Variants in OR52N4 observed in about 807,000 individuals in gnomAD.
The protein encoded by OR52N4 is olfactory receptor family 52 subfamily N member 4, also known as olfactory receptor 52N4.
A neutral mutation model predicts 15.0 loss-of-function variants in OR52N4; 15 were observed. That is an observed-to-expected ratio of 1.00 (90% CI 0.67 to 1.54). OR52N4 has a LOEUF of 1.54. OR52N4 is among the 40% of genes most tolerant of loss of function. The pLI, the probability that OR52N4 is intolerant of heterozygous loss-of-function variation, is 0.00. For missense variants in OR52N4, 421 were observed against 394.0 expected (o/e 1.07, Z -0.58); for synonymous variants, 143 against 143.7 (o/e 1.00, Z 0.03).
the OR52N4 span, among the ~76,000 whole-genome samples, chr11:5,748,462 AT>A: frequency 4.6e-5 from 7 of 151,622 alleles, no homozygotes; most frequent in African/African-American, 1.7e-4. Context: ...TATTCCTCTA[AT>A]TTTTCCTAAT....
upstream of OR52N4, among the ~76,000 whole-genome samples, chr11:5,750,830 C>T (rs530825735): frequency 1.3e-5 from 2 of 151,992 alleles, no homozygotes; most frequent in African/African-American, 2.4e-5. Flanking sequence ...AATTAACATA[C>T]TTCTGAAAAT....
Position 5,755,717 on chromosome 11 carries a change from G to T in OR52N4, c.*11G>T, listed in dbSNP as rs200603169. 6 of 1,606,092 alleles carry T rather than the reference G, an allele frequency of 3.7e-6. No individual in the cohort carries two copies. Among genetic ancestry groups the T allele is most frequent in the Non-Finnish European group, 5.1e-6 (6 of 1,175,996 alleles). On this transcript the variant is annotated 3_prime_UTR_variant, in exon 2 of 2. Coordinates refer to ENST00000641350, the MANE Select transcript of OR52N4 (RefSeq NM_001005175.5). ...TCCTACAGCATGTGAATGAACACTT[G>T]CCAGGAGTGAGAAGAGAAGGAAAGA...
chr11:5,726,610 A>G, the OR52N4 span: 1 of 152,216 alleles, frequency 6.6e-6, no homozygotes, highest in East Asian at 1.9e-4. Flanking sequence ...TGTGTGGCTT[A>G]GGCACAGCCA....
the OR52N4 span, chr11:5,736,559 A>C: frequency 1.9e-6 from 3 of 1,613,892 alleles, no homozygotes; most frequent in Non-Finnish European, 2.5e-6. Flanking sequence ...CAATAGCTCC[A>C]AATTCCAGGT....
At chr11:5,748,839 T>C in the OR52N4 span, among the ~76,000 whole-genome samples, 1 of 152,132 alleles carries the variant, frequency 6.6e-6, no homozygotes, top group South Asian at 2.1e-4. Flanking sequence ...ATAACTTGTG[T>C]TCATTTTCAT....
chr11:5,752,712 A>C (rs1390950060), upstream of OR52N4, among the ~76,000 whole-genome samples: 3 of 152,178 alleles, frequency 2.0e-5, no homozygotes, highest in Non-Finnish European at 2.9e-5. Flanking sequence ...TGATTTTTAC[A>C]ACCTGAATCT....
chr11:5,736,800 G>T, the OR52N4 span: 6 of 1,613,978 alleles, frequency 3.7e-6, no homozygotes, highest in South Asian at 6.6e-5. Context: ...GCCATCTTCT[G>T]GTTTGATGCC....
rs373101849 is a variant in OR52N4, at chr11:5,754,874, G to A, written c.134G>A (p.Cys45Tyr). 24 of 1,613,706 alleles carry A rather than the reference G, an allele frequency of 1.5e-5. No homozygotes were observed. The highest frequency in any genetic ancestry group is 5.5e-5 in the South Asian group (5 of 91,076). ...TATGTTGTGGCTATGGTAGGGAATT[G>A]TGGACTCCTCTACCTCATTCACTAT... Reference protein sequence around the residue: ...SMYVVAMVGNCGLLYLIHYED... With the variant: ...SMYVVAMVGNYGLLYLIHYED... The change falls in exon 2 of 2, where the codon TGT (cysteine) becomes TAT (tyrosine). Residue 45 changes from cysteine (C) to tyrosine (Y), a missense_variant. Coordinates refer to ENST00000641350, the MANE Select transcript of OR52N4 (RefSeq NM_001005175.5).
At chr11:5,754,086 T>C (rs1854245982), upstream of OR52N4, among the ~76,000 whole-genome samples, 1 of 151,442 alleles carries the variant, frequency 6.6e-6, no homozygotes, top group Non-Finnish European at 1.5e-5. Flanking sequence ...AACCCAATTA[T>C]ATTATTTTAG....
chr11:5,730,871 T>G, the OR52N4 span, among the ~76,000 whole-genome samples: 1 of 151,714 alleles, frequency 6.6e-6, no homozygotes, highest in Admixed American at 6.6e-5. Flanking sequence ...GCCTTTTTGT[T>G]TCTTTCAATT....
the OR52N4 span, among the ~76,000 whole-genome samples, chr11:5,735,563 G>A: frequency 1.3e-5 from 2 of 152,044 alleles, no homozygotes; most frequent in Non-Finnish European, 2.9e-5. Context: ...AAAAAAAAGA[G>A]TGCATATGAA....
chr11:5,736,331 A>C, the OR52N4 span: 1 of 594,472 alleles, frequency 1.7e-6, no homozygotes, highest in Non-Finnish European at 3.0e-6. Flanking sequence ...TAGTTAATAA[A>C]CCTCTGCATC....
the OR52N4 span, among the ~76,000 whole-genome samples, chr11:5,730,528 G>A: frequency 1.3e-5 from 2 of 151,956 alleles, no homozygotes; most frequent in African/African-American, 4.8e-5. Context: ...CTTAAATTGT[G>A]TTATATTATG....
At chr11:5,752,132 T>C (rs564365450), upstream of OR52N4, among the ~76,000 whole-genome samples, 37 of 152,284 alleles carry the variant, frequency 2.4e-4, no homozygotes, top group Admixed American at 1.4e-3. Context: ...CCTGTCAGAA[T>C]TCTAATCATG....
chr11:5,750,118 A>T (rs949737996), upstream of OR52N4, among the ~76,000 whole-genome samples: 3 of 151,988 alleles, frequency 2.0e-5, no homozygotes, highest in Admixed American at 2.0e-4. Context: ...TAAAATATTT[A>T]TCTAGTATTT....
At chr11:5,740,380 T>C in the OR52N4 span, among the ~76,000 whole-genome samples, 4 of 127,288 alleles carry the variant, frequency 3.1e-5, 2 homozygotes, top group South Asian at 5.4e-4. Flanking sequence ...GGAAACCACG[T>C]AGAGTAATAA....
the OR52N4 span, chr11:5,734,211 CTGTGAGTCTG>C: frequency 6.6e-6 from 3 of 455,988 alleles, no homozygotes; most frequent in Non-Finnish European, 8.8e-6. Context: ...GGATCCCAGA[CTGTGAGTCTG>C]TGTTCATAAG....
At chr11:5,728,800 T>C in the OR52N4 span, among the ~76,000 whole-genome samples, 1 of 152,230 alleles carries the variant, frequency 6.6e-6, no homozygotes, top group Non-Finnish European at 1.5e-5. Context: ...GGCTGAGCAC[T>C]GTCCATTTTT....
At chr11:5,749,816 A>G (rs2134210285), upstream of OR52N4, among the ~76,000 whole-genome samples, 1 of 152,156 alleles carries the variant, frequency 6.6e-6, no homozygotes, top group Non-Finnish European at 1.5e-5. Context: ...GAGGTTAGAT[A>G]GAAGATAACA....
Sources: gnomAD v4.1 joint callset for allele counts (sites outside exome capture counted in the v4.1 genomes callset) on GRCh38, gnomAD v4.1.1 for gene constraint, MANE v1.5 for transcripts, NCBI Gene and HGNC (gene_info 2026-07-23, HGNC 2026-07-21) for gene names.